The following OTUD7A variants were observed in gnomAD, a reference collection of about 807,000 sequenced individuals.
The protein encoded by OTUD7A is OTU domain-containing protein 7A.
OTUD7A carries 12 observed loss-of-function variants against 65.7 expected under a neutral mutation model. The observed-to-expected ratio is 0.18, with a 90% confidence interval of 0.12 to 0.30. OTUD7A has a LOEUF of 0.30. Ranked by LOEUF, OTUD7A falls within the 10% of genes least tolerant of loss-of-function variation. The pLI, the probability that OTUD7A is intolerant of heterozygous loss-of-function variation, is 1.00. For synonymous variants in OTUD7A, 641 were observed against 586.3 expected (o/e 1.09, Z -1.35); for missense variants, 1,148 against 1,304.8 (o/e 0.88, Z 1.85).
At chr15:31,857,653 C>T (rs1344841320) in intron 1 of OTUD7A, among the ~76,000 whole-genome samples, 3 of 152,180 alleles carry the variant, frequency 2.0e-5, no homozygotes, top group African/African-American at 7.2e-5. Flanking sequence ...AGCACATGCT[C>T]CAGGGCGGGG....
At chr15:31,502,966 C>G (rs184653987) in intron 9 of OTUD7A, among the ~76,000 whole-genome samples, 22 of 152,320 alleles carry the variant, frequency 1.4e-4, no homozygotes, top group African/African-American at 5.1e-4. Context: ...AGACCTATGA[C>G]TTTTGTTAAG....
chr15:31,483,176 G>A lies in OTUD7A; in HGVS notation c.*118C>T, dbSNP rs974901414. On this transcript the variant is annotated 3_prime_UTR_variant, in exon 13 of 13. Coordinates refer to ENST00000307050, the MANE Select transcript of OTUD7A (RefSeq NM_001382637.1). ...GAACGTTTGACCAAACACGTACACG[G>A]CACTGACAGAGGAGGCGCCGGCCTT... 1.1e-6 allele frequency: 1 copy of A among 936,930 alleles called. No individual in the cohort carries two copies. The highest frequency in any genetic ancestry group is 1.3e-6 in the Non-Finnish European group (1 of 776,420). The allele number at this position is 936,930 out of a possible 1,614,324, so 58.0% of individuals were successfully genotyped here.
chr15:31,758,661 T>G (rs1280504452), intron 1 of OTUD7A, among the ~76,000 whole-genome samples: 1 of 152,188 alleles, frequency 6.6e-6, no homozygotes, highest in African/African-American at 2.4e-5. Flanking sequence ...AATTCACCCA[T>G]AGTGGGGAGG....
intron 1 of OTUD7A, among the ~76,000 whole-genome samples, chr15:31,855,210 G>C (rs569839341): frequency 2.4e-4 from 36 of 151,888 alleles, no homozygotes; most frequent in Non-Finnish European, 4.9e-4. Context: ...CCAGCATCCA[G>C]AAACATTCAA....
chr15:31,547,011 C>T (rs927402866), intron 5 of OTUD7A, among the ~76,000 whole-genome samples: 2 of 121,374 alleles, frequency 1.6e-5, no homozygotes, highest in Non-Finnish European at 2.0e-5. Context: ...ATGATTTGCA[C>T]ACTTTCCCAC....
chr15:31,618,141 G>A (rs1416176479), intron 3 of OTUD7A, among the ~76,000 whole-genome samples: 1 of 152,144 alleles, frequency 6.6e-6, no homozygotes, highest in African/African-American at 2.4e-5. Context: ...GTATTCCATG[G>A]TGTATATGTG....
At chr15:31,594,900 G>C (rs1262708703) in intron 3 of OTUD7A, among the ~76,000 whole-genome samples, 1 of 152,116 alleles carries the variant, frequency 6.6e-6, no homozygotes, top group African/African-American at 2.4e-5. Context: ...GTCTTCCCAG[G>C]AGACTGCATC....
intron 5 of OTUD7A, among the ~76,000 whole-genome samples, chr15:31,541,057 C>T (rs1343633688): frequency 6.6e-6 from 1 of 152,158 alleles, no homozygotes; most frequent in African/African-American, 2.4e-5. Flanking sequence ...AAAGAGTTGT[C>T]CTTCAACACA....
At chr15:31,826,276 G>C (rs533540750) in intron 1 of OTUD7A, among the ~76,000 whole-genome samples, 1 of 152,354 alleles carries the variant, frequency 6.6e-6, no homozygotes. Flanking sequence ...TTGAAATCTA[G>C]GTGGAGGTTC....
intron 8 of OTUD7A, among the ~76,000 whole-genome samples, chr15:31,506,173 C>A (rs1478838060): frequency 6.6e-6 from 1 of 151,268 alleles, no homozygotes; most frequent in Non-Finnish European, 1.5e-5. Context: ...TTGTTAGGGG[C>A]AGTATTAGGA....
intron 1 of OTUD7A, among the ~76,000 whole-genome samples, chr15:31,764,250 A>G: frequency 6.6e-6 from 1 of 152,194 alleles, no homozygotes; most frequent in Non-Finnish European, 1.5e-5. Context: ...GAAAGAATTC[A>G]ATTTGGTCCA....
At position 31,484,620 on chromosome 15, in the gene OTUD7A, A is replaced by G. The variant is rs2041206559; in HGVS notation, c.1476T>C (p.Ser492=). The change falls in exon 13 of 13, where the codon TCT becomes TCC. Residue 492 remains serine (S), a synonymous_variant. Transcript: ENST00000307050. This position sits in a 1 kb window ranked among gnomAD's most constrained non-coding sequence, Gnocchi z 4.5. ...DSDRDSVCSN[S]NSNNGKNGKD... Reference sequence around the variant, plus strand: ...TGCCGTTCTTGCCGTTATTGCTGTTAGAATTGCTGCACACCGAATCGCGGT... The same window carrying G: ...TGCCGTTCTTGCCGTTATTGCTGTTGGAATTGCTGCACACCGAATCGCGGT... 1 of 1,601,000 alleles carries G rather than the reference A, an allele frequency of 6.2e-7. No homozygotes were observed. The highest frequency in any genetic ancestry group is 8.5e-7 in the Non-Finnish European group (1 of 1,174,838).
chr15:31,870,247 G>A (rs1160632104), intron 1 of OTUD7A, among the ~76,000 whole-genome samples: 1 of 148,632 alleles, frequency 6.7e-6, no homozygotes, highest in Admixed American at 6.7e-5. Flanking sequence ...CGCCACGCCG[G>A]GCCGGAGCCG....
intron 5 of OTUD7A, among the ~76,000 whole-genome samples, chr15:31,543,006 G>A (rs916812447): frequency 6.6e-6 from 1 of 151,898 alleles, no homozygotes; most frequent in African/African-American, 2.4e-5. Context: ...CAAACAGAAG[G>A]AAGATCTGAC....
At chr15:31,693,087 C>T (rs139245216) in intron 1 of OTUD7A, among the ~76,000 whole-genome samples, 2,018 of 142,916 alleles carry the variant, frequency 0.014, 34 homozygotes, top group African/African-American at 0.05. Context: ...GAGAGATGCT[C>T]AGGCCAGGTG....
At chr15:31,520,562 T>A (rs1244560574) in intron 8 of OTUD7A, among the ~76,000 whole-genome samples, 2 of 152,220 alleles carry the variant, frequency 1.3e-5, no homozygotes, top group African/African-American at 4.8e-5. Flanking sequence ...AGGAAACCTA[T>A]GTAAAACTCT....
At chr15:31,570,862 G>A (rs1889031820) in intron 3 of OTUD7A, among the ~76,000 whole-genome samples, 2 of 152,184 alleles carry the variant, frequency 1.3e-5, no homozygotes, top group Admixed American at 1.3e-4. Context: ...GGAGTTGGAG[G>A]CAGCGTGGGC....
intron 1 of OTUD7A, among the ~76,000 whole-genome samples, chr15:31,693,778 G>A (rs1893012987): frequency 2.6e-5 from 4 of 152,126 alleles, no homozygotes; most frequent in South Asian, 4.2e-4. Context: ...CAGCACACAC[G>A]GGAAACCCAT....
At chr15:31,644,071 C>T (rs1329505972) in intron 3 of OTUD7A, among the ~76,000 whole-genome samples, 1 of 151,988 alleles carries the variant, frequency 6.6e-6, no homozygotes. Context: ...AGTAGGAAAG[C>T]AACGTGGAGT....
Sources: allele counts gnomAD v4.1 joint callset (sites outside exome capture counted in the v4.1 genomes callset), GRCh38; gene constraint gnomAD v4.1.1; non-coding constraint Gnocchi (gnomAD v3.1); transcripts MANE v1.5; gene names NCBI Gene and HGNC (gene_info 2026-07-23, HGNC 2026-07-21).